The following CFAP47 variants were observed in gnomAD, a reference collection of about 807,000 sequenced individuals.
CFAP47 encodes the protein cilia and flagella associated protein 47.
In CFAP47, 29 loss-of-function variants were observed where a neutral mutation model predicts 148.1. The ratio of observed to expected loss-of-function variants is 0.20; its 90% CI spans 0.15 to 0.27. The LOEUF is 0.27. Ranked by LOEUF, CFAP47 falls within the 10% of genes least tolerant of loss-of-function variation. The pLI, the probability that CFAP47 is intolerant of heterozygous loss-of-function variation, is 1.00. For missense variants in CFAP47, 1,872 were observed against 1,697.5 expected (o/e 1.10, Z -1.81); for synonymous variants, 664 against 577.3 (o/e 1.15, Z -2.15).
chrX:36,127,219 G>C (rs1938856259), intron 33 of CFAP47, among the ~76,000 whole-genome samples: 1 of 111,516 alleles, frequency 9.0e-6, no homozygotes, highest in Admixed American at 9.6e-5. Flanking sequence ...GGGTTTTTAT[G>C]GTTTTAGGTT....
chrX:36,254,369 G>A (rs1940726071), intron 49 of CFAP47, among the ~76,000 whole-genome samples: 1 of 111,625 alleles, frequency 9.0e-6, no homozygotes, highest in African/African-American at 3.3e-5. Context: ...CATACAATTA[G>A]CAATGCAGGT....
intron 41 of CFAP47, among the ~76,000 whole-genome samples, chrX:36,188,957 T>A (rs1298348637): frequency 9.0e-6 from 1 of 111,568 alleles, no homozygotes; most frequent in African/African-American, 3.3e-5. Flanking sequence ...ATATGGCCTA[T>A]ATGTCTCTTC....
intron 18 of CFAP47, among the ~76,000 whole-genome samples, chrX:35,996,902 A>G (rs1386171255): frequency 8.9e-6 from 1 of 111,985 alleles, no homozygotes; most frequent in Non-Finnish European, 1.9e-5. Flanking sequence ...TCTCATTACT[A>G]TTATGGTTGT....
intron 2 of CFAP47, 51 bp downstream of exon 2, chrX:35,926,219 A>G: frequency 1.0e-6 from 1 of 979,343 alleles, no homozygotes; most frequent in Non-Finnish European, 1.4e-6. Context: ...CTTTAAATAA[A>G]AATGAGGGTC....
intron 8 of CFAP47, among the ~76,000 whole-genome samples, chrX:35,964,034 A>G (rs1296699291): frequency 8.9e-6 from 1 of 111,752 alleles, no homozygotes; most frequent in Non-Finnish European, 1.9e-5. Context: ...ATATTTATCT[A>G]TGTAGGTAGT....
At chrX:36,219,059 C>T (rs1003737983) in intron 45 of CFAP47, among the ~76,000 whole-genome samples, 1 of 111,045 alleles carries the variant, frequency 9.0e-6, no homozygotes, top group Non-Finnish European at 1.9e-5. Context: ...TTTTTCAGAC[C>T]TTAGAAGGTA....
chrX:35,951,974 A>G lies in CFAP47; in HGVS notation c.1046+11A>G. On this transcript the variant is annotated intron_variant, in intron 6 of 63. Coordinates refer to ENST00000378653, the MANE Select transcript of CFAP47 (RefSeq NM_001304548.2). ...TTGTTTCACCCCAAAGTAAGCAAAAATTAATTTCATTGTAATGTTAAATAT... is the reference window on the plus strand; with the variant it reads ...TTGTTTCACCCCAAAGTAAGCAAAAGTTAATTTCATTGTAATGTTAAATAT... The G allele has an allele frequency of 8.7e-7, 1 of 1,146,560 alleles. No individual in the cohort carries two copies. The highest frequency in any genetic ancestry group is 1.1e-6 in the Non-Finnish European group (1 of 869,642). The allele number at this position is 1,146,560 out of a possible 1,213,427, so 94.5% of individuals were successfully genotyped here. A position where few individuals can be genotyped will look rare whatever the true frequency, so the allele number is the denominator to read the frequency against.
intron 62 of CFAP47, among the ~76,000 whole-genome samples, chrX:36,370,599 T>A (rs1410786666): frequency 2.7e-5 from 3 of 110,568 alleles, no homozygotes; most frequent in Non-Finnish European, 5.7e-5. Flanking sequence ...TAAACTTTTT[T>A]TAGAGGATTC....
intron 15 of CFAP47, among the ~76,000 whole-genome samples, chrX:35,980,959 A>G (rs1255107663): frequency 2.7e-5 from 3 of 110,742 alleles, no homozygotes; most frequent in African/African-American, 9.8e-5. Flanking sequence ...GTGATTTTAC[A>G]TATATTTATA....
At chrX:36,270,136 T>G (rs1940941584) in intron 49 of CFAP47, among the ~76,000 whole-genome samples, 1 of 111,829 alleles carries the variant, frequency 8.9e-6, no homozygotes. Context: ...AGTATAAGTC[T>G]TTGTATGGAC....
At chrX:36,345,643 G>A (rs996711151) in intron 57 of CFAP47, among the ~76,000 whole-genome samples, 1 of 111,495 alleles carries the variant, frequency 9.0e-6, no homozygotes, top group Non-Finnish European at 1.9e-5. Flanking sequence ...AGGGGACTTT[G>A]GGCAAGTTAT....
chrX:36,130,895 C>G (rs1466150114), intron 33 of CFAP47, among the ~76,000 whole-genome samples: 1 of 110,531 alleles, frequency 9.0e-6, no homozygotes, highest in Non-Finnish European at 1.9e-5. Flanking sequence ...AAGTCATGGA[C>G]AGAGAGTAGA....
At chrX:36,210,881 T>G (rs1940092535) in intron 45 of CFAP47, among the ~76,000 whole-genome samples, 1 of 112,684 alleles carries the variant, frequency 8.9e-6, no homozygotes, top group African/African-American at 3.2e-5. Context: ...TTAATATCTG[T>G]ATATCCTGTG....
chrX:36,188,479 T>A (rs958439661), intron 40 of CFAP47, 141 bp from the exon 41 acceptor site: 2 of 287,825 alleles, frequency 6.9e-6, no homozygotes, highest in Non-Finnish European at 1.2e-5. Flanking sequence ...TCAAATAATA[T>A]TTGAAATATG....
chrX:36,087,534 G>A (rs995303303), intron 30 of CFAP47, among the ~76,000 whole-genome samples: 4 of 112,042 alleles, frequency 3.6e-5, no homozygotes, highest in South Asian at 3.7e-4. Context: ...TTTCAACTCC[G>A]CTGGCTTATC....
chrX:36,330,906 A>G (rs1217931184), intron 57 of CFAP47, among the ~76,000 whole-genome samples: 3 of 111,577 alleles, frequency 2.7e-5, no homozygotes, highest in African/African-American at 9.8e-5. Flanking sequence ...ATATCTACCT[A>G]TATCAATGTT....
rs188274238 is a variant in CFAP47 at position 36,247,342 on chromosome X, G to T, written c.7333-3991G>T. Among the ~76,000 whole-genome samples the T allele has an allele frequency of 1.5e-3, 163 of 110,916 alleles. 1 individual carries two copies. Among genetic ancestry groups the T allele is most frequent in the Non-Finnish European group, 2.7e-3 (143 of 52,834 alleles). On this transcript the variant is annotated intron_variant, in intron 48 of 63. Transcript: ENST00000378653. ...TAGGTGCTGTGCCTACTACTTGAGT[G>T]ACAAGATCCATAACCTAAACCTCAG...
chrX:36,130,756 G>A (rs900808346), intron 33 of CFAP47, among the ~76,000 whole-genome samples: 1 of 110,885 alleles, frequency 9.0e-6, no homozygotes, highest in Non-Finnish European at 1.9e-5. Context: ...AAAAAAGAAC[G>A]ATATCCTGTC....
intron 18 of CFAP47, 77 bp from the exon 19 acceptor site, chrX:35,997,235 A>G (rs6527529): frequency 0.17 from 47,613 of 277,337 alleles, 6,458 homozygotes; most frequent in African/African-American, 0.61. Flanking sequence ...AGTTATATAC[A>G]TGCCAGGTAA....
Sources: gnomAD v4.1 joint callset for allele counts (sites outside exome capture counted in the v4.1 genomes callset) on GRCh38, gnomAD v4.1.1 for gene constraint, MANE v1.5 for transcripts, NCBI Gene and HGNC (gene_info 2026-07-23, HGNC 2026-07-21) for gene names.